GSG1: variants seen among roughly 807,000 people sequenced by gnomAD.
GSG1 encodes germ cell-specific gene 1 protein.
GSG1 carries 28 observed loss-of-function variants against 30.8 expected under a neutral mutation model. The ratio of observed to expected loss-of-function variants is 0.91; its 90% CI spans 0.67 to 1.25. GSG1 has a LOEUF of 1.25. GSG1 is among the 50% of genes most tolerant of loss of function. GSG1 has a pLI of 0.00. For missense variants in GSG1, 435 were observed against 444.7 expected, an observed-to-expected ratio of 0.98 and a Z score of 0.20; for synonymous variants, 162 against 178.0, an observed-to-expected ratio of 0.91 and a Z score of 0.71.
intron 4 of GSG1, chr12:13,088,601 A>C: frequency 1.3e-6 from 1 of 744,326 alleles, no homozygotes; most frequent in Non-Finnish European, 2.2e-6. Context: ...CCTGCATATG[A>C]ATGAAAGTCA....
At chr12:13,094,519 C>T (rs948691950) in intron 1 of GSG1, among the ~76,000 whole-genome samples, 8 of 152,168 alleles carry the variant, frequency 5.3e-5, no homozygotes, top group African/African-American at 1.4e-4. Flanking sequence ...ACTGAAGTCG[C>T]GTGTTGCCCA....
intron 1 of GSG1, among the ~76,000 whole-genome samples, chr12:13,096,492 A>T (rs1866675550): frequency 6.6e-6 from 1 of 151,378 alleles, no homozygotes; most frequent in Non-Finnish European, 1.5e-5. Flanking sequence ...AAAAAAAAAA[A>T]AGAATAAGTA....
intron 2 of GSG1, 105 bp from the exon 3 acceptor site, chr12:13,089,381 GT>G (rs1198519123): frequency 1.3e-6 from 2 of 1,526,864 alleles, no homozygotes; most frequent in African/African-American, 1.4e-5. Context: ...ATATCAAATT[GT>G]TCATGATTCT....
In GSG1 at chr12:13,098,237, C is replaced by G. The variant is rs112063108; in HGVS notation, c.48+5228G>C. On this transcript the variant is annotated intron_variant, in intron 1 of 6. Coordinates refer to ENST00000651961, the MANE Select transcript of GSG1 (RefSeq NM_001080555.4). The stretch of plus-strand genomic sequence containing the variant: ...CGCTATCTCCTCGTCGTTTCCGCTT[C>G]CGTCACGTGCTTCCCCCACCAGTCG... 2.6e-5 allele frequency among the ~76,000 whole-genome samples: 4 copies of G among 151,772 alleles called. 1 individual carries two copies. Among genetic ancestry groups the G allele is most frequent in the African/African-American group, 9.7e-5 (4 of 41,366 alleles).
intron 2 of GSG1, chr12:13,089,485 C>T: frequency 1.5e-6 from 1 of 678,762 alleles, no homozygotes; most frequent in Non-Finnish European, 2.3e-6. Flanking sequence ...GTCTTCAGCT[C>T]ATTCCTCCAA....
chr12:13,090,119 T>C (rs2120728022), intron 2 of GSG1, among the ~76,000 whole-genome samples: 1 of 152,352 alleles, frequency 6.6e-6, no homozygotes, highest in Admixed American at 6.5e-5. Context: ...TCCTACAATA[T>C]TCCTCTCCCT....
chr12:13,097,221 T>C (rs1002418698), intron 1 of GSG1, among the ~76,000 whole-genome samples: 6 of 152,246 alleles, frequency 3.9e-5, no homozygotes, highest in Admixed American at 1.3e-4. Context: ...CTGCCTGGAC[T>C]GCCTTCAATC....
chr12:13,091,967 G>A (rs529370915), intron 1 of GSG1, among the ~76,000 whole-genome samples: 4 of 152,304 alleles, frequency 2.6e-5, no homozygotes, highest in South Asian at 2.1e-4. Flanking sequence ...TACACAACAC[G>A]GGGATGATGC....
Position 13,090,509 on chromosome 12 carries a change from C to A in GSG1, c.358G>T (p.Glu120Ter). The A allele has an allele frequency of 1.2e-6, 2 of 1,607,914 alleles. No individual in the cohort carries two copies. The highest frequency in any genetic ancestry group is 2.2e-5 in the South Asian group (2 of 90,654). Reference protein sequence around the residue: ...MWLSCEETVEEPALLHPQSWK... With the variant: ...MWLSCEETVE The stretch of plus-strand genomic sequence containing the variant: ...ATCCCAGAATGTAGGCTACCTGGTT[C>A]TTCCACAGTTTCCTCACAGGATAGC... The change falls in exon 2 of 7, where the codon GAA becomes TAA. Residue 120 changes from glutamate (E) to a stop codon, truncating the protein, a stop_gained. Transcript: ENST00000651961. LOFTEE classifies it high-confidence loss of function.
chr12:13,091,462 C>T (rs1866130083), intron 1 of GSG1, among the ~76,000 whole-genome samples: 1 of 152,210 alleles, frequency 6.6e-6, no homozygotes, highest in Non-Finnish European at 1.5e-5. Context: ...GCACCGTAAT[C>T]CCTTCCAGAG....
intron 2 of GSG1, 164 bp from the exon 3 acceptor site, chr12:13,089,440 C>CA (rs1865873620): frequency 9.0e-7 from 1 of 1,111,288 alleles, no homozygotes; most frequent in East Asian, 2.8e-5. Flanking sequence ...CCAGGCCGGT[C>CA]ACCTTTCAGT....
intron 1 of GSG1, among the ~76,000 whole-genome samples, chr12:13,096,022 G>C (rs1405780268): frequency 6.6e-6 from 1 of 152,180 alleles, no homozygotes. Context: ...AGATATGGCA[G>C]GTCACCATCA....
chr12:13,099,965 C>G (rs928178386), intron 1 of GSG1, among the ~76,000 whole-genome samples: 1 of 152,196 alleles, frequency 6.6e-6, no homozygotes, highest in Non-Finnish European at 1.5e-5. Context: ...CATGCATGCC[C>G]CTGGCCCTGT....
At chr12:13,100,457 G>A (rs185125383) in intron 1 of GSG1, among the ~76,000 whole-genome samples, 64 of 152,328 alleles carry the variant, frequency 4.2e-4, no homozygotes, top group Non-Finnish European at 8.1e-4. Flanking sequence ...GCAGAAAACA[G>A]TGATGATCTC....
chr12:13,083,815 C>T lies in GSG1; in HGVS notation c.*1086G>A, dbSNP rs535918884. Reference sequence around the variant, plus strand: ...TTTTCTATCCTTGCGATAGTTTGCTCAGAATGATGGTTTCCAGCTTCATCC... The same window carrying T: ...TTTTCTATCCTTGCGATAGTTTGCTTAGAATGATGGTTTCCAGCTTCATCC... On this transcript the variant is annotated 3_prime_UTR_variant, in exon 7 of 7. Transcript: ENST00000651961. 3 of 151,836 alleles carry T rather than the reference C, an allele frequency of 2.0e-5. No individual in the cohort carries two copies. In the South Asian group the frequency reaches 6.3e-4, roughly 32 times the overall value. 9.4% of individuals were successfully genotyped at this position (151,836 alleles called of 1,614,324 possible). A position where few individuals can be genotyped will look rare whatever the true frequency, so the allele number is the denominator to read the frequency against.
chr12:13,099,762 T>TTTTTG (rs76698473), intron 1 of GSG1, among the ~76,000 whole-genome samples: 3 of 148,368 alleles, frequency 2.0e-5, no homozygotes, highest in Non-Finnish European at 4.5e-5. Flanking sequence ...TTTTTTTTTT[T>TTTTTG]TTTTTTGTTT....
At position 13,088,047 on chromosome 12, in the gene GSG1, A is replaced by T; in HGVS notation, c.494T>A (p.Leu165Ter). 6.2e-7 allele frequency: 1 copy of T among 1,614,248 alleles called. No homozygotes were observed. Among genetic ancestry groups the T allele is most frequent in the Non-Finnish European group, 8.5e-7 (1 of 1,180,038 alleles). The change falls in exon 5 of 7, where the codon TTA (leucine) becomes TAA (stop). Residue 165 changes from leucine to a stop codon, truncating the protein, a stop_gained. Coordinates refer to ENST00000651961, the MANE Select transcript of GSG1 (RefSeq NM_001080555.4). LOFTEE classifies it high-confidence loss of function. Reference protein sequence around the residue: ...TPPAKREILWLSLGTQITYIG... With the variant: ...TPPAKREILW ...GTAGGTGATCTGCGTTCCCAGGGATAACCATAGGATTTCTGCCAGAAACCA... is the reference window on the plus strand; with the variant it reads ...GTAGGTGATCTGCGTTCCCAGGGATTACCATAGGATTTCTGCCAGAAACCA...
intron 4 of GSG1, 98 bp from the exon 5 acceptor site, chr12:13,088,157 C>A: frequency 1.5e-6 from 2 of 1,326,270 alleles, no homozygotes; most frequent in Non-Finnish European, 1.1e-6. Flanking sequence ...AAGACCCTAG[C>A]AGCATCTGAG....
At chr12:13,089,313 CA>C in intron 2 of GSG1, 37 bp from the exon 3 acceptor site, 1 of 1,549,248 alleles carries the variant, frequency 6.5e-7, no homozygotes, top group South Asian at 1.2e-5. Context: ...TGTAAATACA[CA>C]CATTTTTTTA....
Sources: gnomAD v4.1 joint callset for allele counts (sites outside exome capture counted in the v4.1 genomes callset) on GRCh38, gnomAD v4.1.1 for gene constraint, MANE v1.5 for transcripts, NCBI Gene and HGNC (gene_info 2026-07-23, HGNC 2026-07-21) for gene names.